The following DSCAM variants were observed in gnomAD, a reference collection of about 807,000 sequenced individuals.
DSCAM encodes the protein DS cell adhesion molecule.
A neutral mutation model predicts 217.7 loss-of-function variants in DSCAM; 47 were observed. That is an observed-to-expected ratio of 0.22 (90% CI 0.17 to 0.28). DSCAM has a LOEUF of 0.28. Among genes scored for constraint, DSCAM ranks in the 10% least tolerant of loss-of-function variants. DSCAM has a pLI of 1.00. For synonymous variants in DSCAM, 1,056 were observed against 1,015.3 expected (o/e 1.04, Z -0.76); for missense variants, 2,080 against 2,618.3 (o/e 0.79, Z 4.49).
chr21:40,633,269 TC>T (rs2089715759), intron 3 of DSCAM, among the ~76,000 whole-genome samples: 1 of 152,148 alleles, frequency 6.6e-6, no homozygotes, highest in Non-Finnish European at 1.5e-5. Context: ...TGGCACATGG[TC>T]ACGTGAAGGA....
intron 3 of DSCAM, among the ~76,000 whole-genome samples, chr21:40,624,213 T>C (rs2089566442): frequency 6.6e-6 from 1 of 152,130 alleles, no homozygotes; most frequent in Non-Finnish European, 1.5e-5. Context: ...TTTACTAACA[T>C]GCAAACTCAT....
chr21:40,183,813 A>G (rs1467273947), intron 14 of DSCAM, among the ~76,000 whole-genome samples: 1 of 152,218 alleles, frequency 6.6e-6, no homozygotes, highest in East Asian at 1.9e-4. Context: ...TACATTGGTT[A>G]TATGCTGCTT....
At chr21:40,647,823 A>T (rs1019415833) in intron 3 of DSCAM, among the ~76,000 whole-genome samples, 3 of 152,176 alleles carry the variant, frequency 2.0e-5, no homozygotes, top group Non-Finnish European at 2.9e-5. Context: ...AATGCCTCAC[A>T]TCTGCATGAA....
chr21:40,609,996 C>A (rs1267226103), intron 3 of DSCAM, among the ~76,000 whole-genome samples: 1 of 152,318 alleles, frequency 6.6e-6, no homozygotes, highest in East Asian at 1.9e-4. Context: ...AGGCCACAAT[C>A]CTGCCTCATA....
chr21:40,113,302 A>T (rs1451770978), intron 20 of DSCAM, among the ~76,000 whole-genome samples: 3 of 152,162 alleles, frequency 2.0e-5, no homozygotes, highest in Non-Finnish European at 2.9e-5. Flanking sequence ...ACAGAACCAA[A>T]GACAAAAACC....
At chr21:40,612,667 A>G (rs1013390490) in intron 3 of DSCAM, among the ~76,000 whole-genome samples, 1 of 152,230 alleles carries the variant, frequency 6.6e-6, no homozygotes, top group Non-Finnish European at 1.5e-5. Flanking sequence ...TTTGTTATAC[A>G]GCATGAGGAT....
At chr21:40,170,218 C>T (rs1002800835) in intron 15 of DSCAM, among the ~76,000 whole-genome samples, 2 of 152,210 alleles carry the variant, frequency 1.3e-5, no homozygotes, top group East Asian at 1.9e-4. Flanking sequence ...TGCCTGTGAG[C>T]CTCCCGCTGC....
chr21:40,417,368 G>T (rs2075382200), intron 3 of DSCAM, among the ~76,000 whole-genome samples: 1 of 152,040 alleles, frequency 6.6e-6, no homozygotes, highest in Admixed American at 6.6e-5. Context: ...TTTTTGAGCA[G>T]AAACCATTTT....
At chr21:40,029,404 C>T (rs573814653) in intron 32 of DSCAM, among the ~76,000 whole-genome samples, 1 of 150,584 alleles carries the variant, frequency 6.6e-6, no homozygotes, top group Non-Finnish European at 1.5e-5. Context: ...CAGCCCCTTC[C>T]TTGGGGAATG....
At chr21:40,740,806 G>T (rs1023297166) in intron 1 of DSCAM, among the ~76,000 whole-genome samples, 5 of 152,180 alleles carry the variant, frequency 3.3e-5, no homozygotes, top group African/African-American at 1.2e-4. Context: ...GAGATAAGTG[G>T]CACAGTTCTG....
intron 3 of DSCAM, among the ~76,000 whole-genome samples, chr21:40,502,122 T>C (rs2076174542): frequency 6.6e-6 from 1 of 152,166 alleles, no homozygotes; most frequent in Non-Finnish European, 1.5e-5. Context: ...AAATTTATCA[T>C]GTTTTAAAAT....
chr21:40,220,396 A>G (rs1025598729), intron 11 of DSCAM, among the ~76,000 whole-genome samples: 2 of 152,254 alleles, frequency 1.3e-5, no homozygotes, highest in African/African-American at 4.8e-5. Context: ...CTGTACAACA[A>G]AATATTCACT....
intron 3 of DSCAM, among the ~76,000 whole-genome samples, chr21:40,518,025 A>C (rs2076317250): frequency 6.6e-6 from 1 of 151,912 alleles, no homozygotes; most frequent in Non-Finnish European, 1.5e-5. Flanking sequence ...TCACAGAGAC[A>C]TGGGTGCTTC....
chr21:40,422,593 G>C (rs1416203746), intron 3 of DSCAM, among the ~76,000 whole-genome samples: 3 of 152,170 alleles, frequency 2.0e-5, no homozygotes, highest in Non-Finnish European at 4.4e-5. Flanking sequence ...AGTGAGCCAA[G>C]ATCGCGCCAC....
chr21:40,063,512 G>A (rs565696208), intron 27 of DSCAM, among the ~76,000 whole-genome samples: 13 of 151,846 alleles, frequency 8.6e-5, no homozygotes, highest in Admixed American at 2.0e-4. Context: ...TTTTTTGGTG[G>A]TGTTATTTTG....
chr21:40,159,717 C>T (rs772274181), intron 16 of DSCAM, among the ~76,000 whole-genome samples: 8 of 152,170 alleles, frequency 5.3e-5, no homozygotes, highest in African/African-American at 9.6e-5. Flanking sequence ...TGAGTAGCTG[C>T]GACTATAGGC....
intron 11 of DSCAM, among the ~76,000 whole-genome samples, chr21:40,223,778 G>A (rs190268183): frequency 6.6e-6 from 1 of 152,324 alleles, no homozygotes; most frequent in Non-Finnish European, 1.5e-5. Context: ...TGGTTTCTGA[G>A]TATGAGAATG....
At chr21:40,148,516 T>A (rs1210982337) in intron 16 of DSCAM, among the ~76,000 whole-genome samples, 1 of 152,096 alleles carries the variant, frequency 6.6e-6, no homozygotes, top group Non-Finnish European at 1.5e-5. Context: ...GCTAACTGTA[T>A]CTCAATAAAG....
chr21:40,596,350 GCATATTAGAGCC>G (rs1362180252), intron 3 of DSCAM, among the ~76,000 whole-genome samples: 1 of 152,182 alleles, frequency 6.6e-6, no homozygotes, highest in Non-Finnish European at 1.5e-5. Flanking sequence ...TAATTTTAAA[GCATATTAGAGCC>G]CATATTCTGA....
Sources: allele counts gnomAD v4.1 joint callset (sites outside exome capture counted in the v4.1 genomes callset), GRCh38; gene constraint gnomAD v4.1.1; transcripts MANE v1.5; gene names NCBI Gene and HGNC (gene_info 2026-07-23, HGNC 2026-07-21).